The following TPD52 variants were observed in gnomAD, a reference collection of about 807,000 sequenced individuals.
TPD52 encodes the protein tumor protein D52, also known as prostate and colon associated protein.
TPD52 carries 17 observed loss-of-function variants against 31.3 expected under a neutral mutation model. The ratio of observed to expected loss-of-function variants is 0.54; its 90% CI spans 0.37 to 0.82. The LOEUF (loss-of-function observed/expected upper bound fraction) is 0.82. TPD52 is among the 40% of genes least tolerant of loss of function. The pLI, the probability that TPD52 is intolerant of heterozygous loss-of-function variation, is 0.00. For missense variants in TPD52, 212 were observed against 240.1 expected (o/e 0.88, Z 0.77); for synonymous variants, 83 against 89.6 (o/e 0.93, Z 0.42).
intron 2 of TPD52, among the ~76,000 whole-genome samples, chr8:80,056,602 G>A (rs1455969833): frequency 5.3e-5 from 8 of 152,098 alleles, no homozygotes; most frequent in Non-Finnish European, 8.8e-5. Flanking sequence ...ATGAAAAGAT[G>A]CTTAACACCA....
intron 1 of TPD52, among the ~76,000 whole-genome samples, chr8:80,146,540 G>T (rs1380603343): frequency 6.6e-6 from 1 of 152,076 alleles, no homozygotes; most frequent in Non-Finnish European, 1.5e-5. Context: ...ATAGAGTGAT[G>T]GTCCCATTAT....
At chr8:80,042,433 A>T (rs1004673125) in intron 7 of TPD52, 187 bp downstream of exon 7, 2 of 985,488 alleles carry the variant, frequency 2.0e-6, no homozygotes, top group Non-Finnish European at 2.4e-6. Flanking sequence ...GCCACACTAC[A>T]GCATACACTA....
chr8:80,155,005 T>TG (rs1389118408), intron 1 of TPD52, among the ~76,000 whole-genome samples: 1 of 150,042 alleles, frequency 6.7e-6, no homozygotes, highest in Non-Finnish European at 1.5e-5. Context: ...TTTTTTGTTT[T>TG]TTTTTTTTTT....
At chr8:80,123,819 G>C (rs975488607) in intron 1 of TPD52, among the ~76,000 whole-genome samples, 3 of 152,152 alleles carry the variant, frequency 2.0e-5, no homozygotes, top group African/African-American at 7.2e-5. Context: ...CTTGGTACTG[G>C]TCAAAGAGGT....
chr8:80,063,082 C>A (rs1812718404), intron 2 of TPD52, among the ~76,000 whole-genome samples: 1 of 152,124 alleles, frequency 6.6e-6, no homozygotes, highest in Non-Finnish European at 1.5e-5. Context: ...GGTACTCAAG[C>A]AAGTATTTGT....
intron 1 of TPD52, among the ~76,000 whole-genome samples, chr8:80,072,004 C>T (rs1285969248): frequency 1.3e-5 from 2 of 152,102 alleles, no homozygotes; most frequent in East Asian, 1.9e-4. Flanking sequence ...GAAACACATG[C>T]TTTTTTTGTT....
At chr8:80,077,980 C>T (rs764662809) in intron 1 of TPD52, among the ~76,000 whole-genome samples, 54 of 152,158 alleles carry the variant, frequency 3.5e-4, no homozygotes, top group Non-Finnish European at 6.9e-4. Flanking sequence ...GAGTACATCA[C>T]ATATAGTAAG....
chr8:80,158,239 C>T (rs1039700656), intron 1 of TPD52, among the ~76,000 whole-genome samples: 9 of 151,976 alleles, frequency 5.9e-5, no homozygotes, highest in African/African-American at 1.7e-4. Context: ...TGTACCAGCC[C>T]TCCCATTCTC....
intron 1 of TPD52, among the ~76,000 whole-genome samples, chr8:80,152,177 C>T (rs903149913): frequency 1.3e-5 from 2 of 152,186 alleles, no homozygotes; most frequent in African/African-American, 2.4e-5. Flanking sequence ...CTTTCATGCC[C>T]CCCCGACCCC....
chr8:80,148,317 A>AGTGTGTGTGTGTGTGT lies in TPD52; in HGVS notation c.19+23092_19+23107dup, dbSNP rs34231994. On this transcript the variant is annotated intron_variant, in intron 1 of 7. Coordinates refer to ENST00000518937, the MANE Select transcript of TPD52 (RefSeq NM_001025253.3). The stretch of plus-strand genomic sequence containing the variant: ...ACAAGTGCACCACCATTCCTGGCTA[A>AGTGTGTGTGTGTGTGT]GTGTGTGTGTGTGTGTGTGTGTGTG... Among the ~76,000 whole-genome samples the AGTGTGTGTGTGTGTGT allele has an allele frequency of 8.8e-3, 1,266 of 143,950 alleles. 24 individuals carry two copies. Among genetic ancestry groups the AGTGTGTGTGTGTGTGT allele is most frequent in the African/African-American group, 0.027 (1,012 of 37,722 alleles). 94.4% of individuals were successfully genotyped at this position (143,950 alleles called of 152,430 possible).
At chr8:80,110,831 A>G (rs1179929014) in intron 1 of TPD52, among the ~76,000 whole-genome samples, 1 of 152,170 alleles carries the variant, frequency 6.6e-6, no homozygotes, top group East Asian at 1.9e-4. Context: ...ATACTTTATA[A>G]AAGCTTCCCC....
chr8:80,041,079 T>C (rs77030773), intron 7 of TPD52, among the ~76,000 whole-genome samples: 2,658 of 152,266 alleles, frequency 0.017, 77 homozygotes, highest in African/African-American at 0.058. Context: ...AAAAGGTATG[T>C]ACTAACGTTT....
At chr8:80,152,460 A>G (rs922738055) in intron 1 of TPD52, among the ~76,000 whole-genome samples, 1 of 152,208 alleles carries the variant, frequency 6.6e-6, no homozygotes, top group Non-Finnish European at 1.5e-5. Flanking sequence ...TAACTGGTGC[A>G]TCTAGCTCCA....
rs118077376 is a variant in TPD52, at chr8:80,071,834, G to A, written c.20-7241C>T. Among the ~76,000 whole-genome samples, 1,349 of 152,042 alleles carry A rather than the reference G, an allele frequency of 8.9e-3. 8 individuals are homozygous for A. Among genetic ancestry groups the A allele is most frequent in the Non-Finnish European group, 0.015 (1,042 of 67,974 alleles). ...CTTTCTAGAGTGCATATCTGACGAC[G>A]CCACTCCCGTGCCTTAAGTCCTTTG... On this transcript the variant is annotated intron_variant, in intron 1 of 7. Transcript: ENST00000518937.
At chr8:80,090,154 G>C (rs1292272925) in intron 1 of TPD52, among the ~76,000 whole-genome samples, 1 of 152,180 alleles carries the variant, frequency 6.6e-6, no homozygotes, top group Non-Finnish European at 1.5e-5. Flanking sequence ...AACTCTGGGA[G>C]GCTGAGGCAG....
intron 1 of TPD52, among the ~76,000 whole-genome samples, chr8:80,094,997 C>T (rs1401772272): frequency 1.3e-5 from 2 of 152,068 alleles, no homozygotes; most frequent in East Asian, 3.9e-4. Context: ...GAATATATCA[C>T]AGATCCTTCA....
At chr8:80,145,404 C>T (rs965493985) in intron 1 of TPD52, among the ~76,000 whole-genome samples, 2 of 152,140 alleles carry the variant, frequency 1.3e-5, no homozygotes, top group African/African-American at 4.8e-5. Flanking sequence ...CACATTTTCA[C>T]GGGAAAGTTG....
intron 1 of TPD52, among the ~76,000 whole-genome samples, chr8:80,133,367 C>T (rs2131095501): frequency 1.3e-5 from 2 of 152,236 alleles, no homozygotes; most frequent in Middle Eastern, 3.4e-3. Flanking sequence ...CTGCTACCAC[C>T]ACCCATGGGC....
intron 1 of TPD52, among the ~76,000 whole-genome samples, chr8:80,161,367 T>C (rs1811350626): frequency 6.6e-6 from 1 of 152,208 alleles, no homozygotes; most frequent in Admixed American, 6.5e-5. Context: ...CTTTAATTCT[T>C]AGTCTTTTCT....
Sources: gnomAD v4.1 joint callset for allele counts (sites outside exome capture counted in the v4.1 genomes callset) on GRCh38, gnomAD v4.1.1 for gene constraint, MANE v1.5 for transcripts, NCBI Gene and HGNC (gene_info 2026-07-23, HGNC 2026-07-21) for gene names.